Variants in SYCP2L observed in about 807,000 individuals in gnomAD.
SYCP2L encodes the protein synaptonemal complex protein 2-like.
In SYCP2L, 98 loss-of-function variants were observed where a neutral mutation model predicts 125.8. That is an observed-to-expected ratio of 0.78 (90% CI 0.66 to 0.92). The LOEUF (loss-of-function observed/expected upper bound fraction) is 0.92. Ranked by LOEUF, SYCP2L falls within the 40% of genes least tolerant of loss-of-function variation. SYCP2L has a pLI of 0.00. For missense variants in SYCP2L, 842 were observed against 936.4 expected (o/e 0.90, Z 1.32); for synonymous variants, 317 against 325.4 (o/e 0.97, Z 0.28).
At chr6:10,926,462 C>T (rs766293762) in intron 16 of SYCP2L, 30 bp downstream of exon 16, 1 of 1,545,666 alleles carries the variant, frequency 6.5e-7, no homozygotes, top group Non-Finnish European at 8.9e-7. Flanking sequence ...AATTCTGACC[C>T]TGAGTTTTCT....
intron 23 of SYCP2L, among the ~76,000 whole-genome samples, chr6:10,947,573 A>T (rs535809328): frequency 6.6e-6 from 1 of 152,208 alleles, no homozygotes; most frequent in Admixed American, 6.5e-5. Context: ...AAGTAGAGCG[A>T]TACTGTTAAT....
chr6:10,913,510 A>G (rs1780642077), intron 14 of SYCP2L, among the ~76,000 whole-genome samples: 6 of 151,942 alleles, frequency 3.9e-5, no homozygotes, highest in Admixed American at 3.9e-4. Flanking sequence ...TTTTCTGGCC[A>G]TTTGTATATC....
At chr6:10,968,422 G>A (rs973331561) in intron 29 of SYCP2L, among the ~76,000 whole-genome samples, 1 of 152,174 alleles carries the variant, frequency 6.6e-6, no homozygotes, top group African/African-American at 2.4e-5. Context: ...TCAGCAGGGA[G>A]GTTTCTGTGA....
chr6:10,938,300 G>A (rs1170943998), intron 21 of SYCP2L, among the ~76,000 whole-genome samples: 2 of 151,950 alleles, frequency 1.3e-5, no homozygotes, highest in African/African-American at 4.8e-5. Context: ...AGAGAATGAA[G>A]GTTAAATTCA....
At chr6:10,924,075 G>A (rs1780856666) in intron 14 of SYCP2L, among the ~76,000 whole-genome samples, 1 of 152,214 alleles carries the variant, frequency 6.6e-6, no homozygotes, top group Non-Finnish European at 1.5e-5. Flanking sequence ...ATTGGGGACA[G>A]TGAGTTTTAT....
intron 18 of SYCP2L, among the ~76,000 whole-genome samples, chr6:10,929,052 T>A (rs1007631194): frequency 3.3e-5 from 5 of 152,022 alleles, no homozygotes; most frequent in Admixed American, 1.3e-4. Context: ...CCACCATGCC[T>A]ACCTAATTTT....
chr6:10,945,192 C>T (rs186567961), intron 23 of SYCP2L, among the ~76,000 whole-genome samples: 260 of 152,112 alleles, frequency 1.7e-3, no homozygotes, highest in African/African-American at 5.9e-3. Flanking sequence ...TTGAGATGTA[C>T]GTTATGGCTT....
intron 21 of SYCP2L, among the ~76,000 whole-genome samples, chr6:10,937,406 A>G (rs1464435084): frequency 6.6e-6 from 1 of 152,212 alleles, no homozygotes. Flanking sequence ...AAATGGAAAC[A>G]TACCAAAATT....
In SYCP2L at chr6:10,894,012, G is replaced by A; in HGVS notation, c.216+8G>A. 13 of 1,603,446 alleles carry A rather than the reference G, an allele frequency of 8.1e-6. No individual in the cohort carries two copies. Among genetic ancestry groups the A allele is most frequent in the Non-Finnish European group, 1.1e-5 (13 of 1,177,218 alleles). On this transcript the variant is annotated splice_region_variant and intron_variant, in intron 3 of 29. Coordinates refer to ENST00000283141, the MANE Select transcript of SYCP2L (RefSeq NM_001040274.3). ...GACAGATCAATAAATAAGGCAAGTT[G>A]GTTTGCTTTGTGACCAAAATACAAA...
At chr6:10,970,983 G>C (rs1781760192) in intron 29 of SYCP2L, among the ~76,000 whole-genome samples, 1 of 152,148 alleles carries the variant, frequency 6.6e-6, no homozygotes, top group African/African-American at 2.4e-5. Context: ...CAAGTGTGGA[G>C]ATAACTGGGC....
At chr6:10,959,439 TG>T (rs1781559767) in intron 26 of SYCP2L, among the ~76,000 whole-genome samples, 1 of 152,228 alleles carries the variant, frequency 6.6e-6, no homozygotes, top group Admixed American at 6.5e-5. Context: ...AGTTTCTGTT[TG>T]GGATGATGGA....
chr6:10,929,695 G>T (rs1217386796), intron 18 of SYCP2L, among the ~76,000 whole-genome samples: 2 of 152,110 alleles, frequency 1.3e-5, no homozygotes, highest in Non-Finnish European at 2.9e-5. Flanking sequence ...AGCACTTTGG[G>T]AGGCCAAGGT....
At chr6:10,971,326 C>T (rs535693811) in intron 29 of SYCP2L, among the ~76,000 whole-genome samples, 1 of 151,786 alleles carries the variant, frequency 6.6e-6, no homozygotes. Flanking sequence ...GGTGTGGTGG[C>T]ACGAGGCTGT....
At chr6:10,969,358 C>CTTTTTTTTTTTTTTTTTTTTT (rs534262433) in intron 29 of SYCP2L, among the ~76,000 whole-genome samples, 1 of 105,032 alleles carries the variant, frequency 9.5e-6, no homozygotes. Flanking sequence ...AGGAAATTAT[C>CTTTTTTTTTTTTTTTTTTTTT]TTTTTTTTTT....
At chr6:10,969,616 G>A (rs190985201) in intron 29 of SYCP2L, among the ~76,000 whole-genome samples, 28 of 151,792 alleles carry the variant, frequency 1.8e-4, no homozygotes, top group African/African-American at 6.3e-4. Flanking sequence ...TGCCCGCCTC[G>A]GCCTCCCAAA....
At chr6:10,915,150 G>A (rs981497307) in intron 14 of SYCP2L, among the ~76,000 whole-genome samples, 7 of 152,146 alleles carry the variant, frequency 4.6e-5, no homozygotes, top group East Asian at 1.9e-4. Flanking sequence ...AAGAGCTACC[G>A]ATTTGTGTAC....
At chr6:10,898,404 T>G (rs1415035370) in intron 5 of SYCP2L, among the ~76,000 whole-genome samples, 3 of 152,012 alleles carry the variant, frequency 2.0e-5, no homozygotes, top group Non-Finnish European at 4.4e-5. Context: ...TTTCAGCTAC[T>G]TGGGAGGCTG....
At chr6:10,931,702 C>T (rs777259133) in intron 20 of SYCP2L, among the ~76,000 whole-genome samples, 1 of 152,130 alleles carries the variant, frequency 6.6e-6, no homozygotes, top group Non-Finnish European at 1.5e-5. Flanking sequence ...TGGTGGCTCA[C>T]GCCTGTAATC....
At chr6:10,930,690 A>C (rs1455672197) in intron 19 of SYCP2L, among the ~76,000 whole-genome samples, 176 bp downstream of exon 19, 3 of 152,250 alleles carry the variant, frequency 2.0e-5, no homozygotes, top group Non-Finnish European at 4.4e-5. Flanking sequence ...GAAACAGAAG[A>C]ACATGAAATT....
Sources: gnomAD v4.1 joint callset for allele counts (sites outside exome capture counted in the v4.1 genomes callset) on GRCh38, gnomAD v4.1.1 for gene constraint, MANE v1.5 for transcripts, NCBI Gene and HGNC (gene_info 2026-07-23, HGNC 2026-07-21) for gene names.